Variants in VDR observed in about 807,000 individuals in gnomAD.
VDR encodes the protein vitamin D3 receptor.
Under a neutral mutation model 39.7 loss-of-function variants are expected in VDR, and 19 were observed. The observed-to-expected ratio is 0.48, with a 90% CI of 0.33 to 0.70. The LOEUF is 0.70. Ranked by LOEUF, VDR falls within the 30% of genes least tolerant of loss-of-function variation. VDR has a pLI of 0.02. For synonymous variants in VDR, 242 were observed against 215.8 expected, an observed-to-expected ratio of 1.12 and a Z score of -1.07; for missense variants, 442 against 570.5, an observed-to-expected ratio of 0.77 and a Z score of 2.29.
intron 1 of VDR, among the ~76,000 whole-genome samples, chr12:47,904,345 G>A (rs1946626468): frequency 6.6e-6 from 1 of 150,648 alleles, no homozygotes; most frequent in African/African-American, 2.4e-5. Context: ...ACTACTCCTT[G>A]AGCCCCTTCC....
chr12:47,886,163 A>C (rs1376968861), intron 1 of VDR, among the ~76,000 whole-genome samples: 1 of 152,244 alleles, frequency 6.6e-6, no homozygotes, highest in African/African-American at 2.4e-5. Context: ...TTCTTCCTAA[A>C]ATTGCCACAC....
chr12:47,860,212 C>T (rs924695106), intron 4 of VDR, among the ~76,000 whole-genome samples: 5 of 152,110 alleles, frequency 3.3e-5, no homozygotes, highest in African/African-American at 9.7e-5. Flanking sequence ...GTGATCTGCC[C>T]GCCTTGGCCT....
At chr12:47,877,924 G>A (rs1946041023) in intron 3 of VDR, among the ~76,000 whole-genome samples, 2 of 152,184 alleles carry the variant, frequency 1.3e-5, no homozygotes, top group Admixed American at 1.3e-4. Context: ...ATGAAACTCT[G>A]GGCCTGCTGA....
chr12:47,857,781 G>T lies in VDR; in HGVS notation c.278-93C>A. On this transcript the variant is annotated intron_variant, in intron 4 of 9. Coordinates refer to ENST00000549336, the MANE Select transcript of VDR (RefSeq NM_000376.3). ...TTGGGGGTAAAGGTCCAAGATAGGA[G>T]GGGCTTTAACACTCGGGGCTCCCTC... is the stretch of plus-strand genomic sequence containing the variant. 2.8e-6 allele frequency: 4 copies of T among 1,443,234 alleles called. No homozygotes were observed. The East Asian group carries it at 6.9e-5, about 25-fold the overall frequency. 89.4% of individuals were successfully genotyped at this position (1,443,234 alleles called of 1,614,324 possible).
At chr12:47,846,540 C>A in intron 8 of VDR, 89 bp from the exon 9 acceptor site, 1 of 1,562,408 alleles carries the variant, frequency 6.4e-7, no homozygotes, top group Non-Finnish European at 8.7e-7. Context: ...TCGCCCTTCT[C>A]TCCCTGTTGG....
At chr12:47,876,813 T>C (rs6580642) in intron 3 of VDR, among the ~76,000 whole-genome samples, 130,752 of 152,270 alleles carry the variant, frequency 0.86, 56,276 homozygotes, top group East Asian at 0.97. Flanking sequence ...GGGCAGCAAC[T>C]ACAGATGCAT....
intron 7 of VDR, among the ~76,000 whole-genome samples, chr12:47,847,842 A>G (rs10783217): frequency 0.62 from 94,817 of 152,206 alleles, 30,621 homozygotes; most frequent in African/African-American, 0.78. Context: ...TCCTGGGCTC[A>G]AGCAGTCCTC....
intron 1 of VDR, among the ~76,000 whole-genome samples, chr12:47,888,433 G>A (rs752982587): frequency 2.6e-5 from 4 of 152,208 alleles, no homozygotes; most frequent in Non-Finnish European, 5.9e-5. Context: ...GCAGGACTCA[G>A]AGTGGGGAGC....
intron 7 of VDR, 88 bp downstream of exon 7, chr12:47,855,539 AAAG>A: frequency 6.8e-7 from 1 of 1,471,258 alleles, no homozygotes; most frequent in Non-Finnish European, 9.3e-7. Flanking sequence ...AAAATAAAAA[AAAG>A]AAGTGGTGGA....
intron 1 of VDR, chr12:47,904,521 GA>G (rs1293001913): frequency 4.0e-5 from 53 of 1,324,924 alleles, no homozygotes; most frequent in African/African-American, 6.3e-5. Context: ...CATCACAGGT[GA>G]CCATACCTGG....
intron 9 of VDR, 74 bp downstream of exon 9, chr12:47,846,261 G>T: frequency 1.5e-6 from 2 of 1,343,128 alleles, no homozygotes; most frequent in Non-Finnish European, 2.1e-6. Context: ...TGCCCAGCTG[G>T]CCCTCAGCAG....
intron 7 of VDR, among the ~76,000 whole-genome samples, chr12:47,849,033 A>G (rs763118484): frequency 2.0e-5 from 3 of 152,196 alleles, no homozygotes; most frequent in Non-Finnish European, 2.9e-5. Flanking sequence ...TGAGTCAGGA[A>G]TGGGCTTGTC....
intron 4 of VDR, among the ~76,000 whole-genome samples, chr12:47,863,948 C>T (rs993086108): frequency 5.3e-5 from 8 of 152,172 alleles, no homozygotes; most frequent in Admixed American, 1.3e-4. Flanking sequence ...ATCCTCTGTC[C>T]CTGACACATC....
chr12:47,876,825 G>A (rs1217274609), intron 3 of VDR, among the ~76,000 whole-genome samples: 1 of 152,138 alleles, frequency 6.6e-6, no homozygotes, highest in Non-Finnish European at 1.5e-5. Context: ...CAGATGCATA[G>A]CAGTCAGAGC....
At chr12:47,878,838 CTG>C in intron 3 of VDR, 128 bp downstream of exon 3, 2 of 1,447,618 alleles carry the variant, frequency 1.4e-6, no homozygotes. Flanking sequence ...GCTCCTGTGG[CTG>C]TGAGCGCCGC....
At chr12:47,855,450 G>A (rs1945464623) in intron 7 of VDR, among the ~76,000 whole-genome samples, 180 bp downstream of exon 7, 1 of 152,140 alleles carries the variant, frequency 6.6e-6, no homozygotes, top group Non-Finnish European at 1.5e-5. Context: ...AACCTAGGAG[G>A]CGGAGGTTGC....
chr12:47,902,250 T>C (rs1258934386), intron 1 of VDR, among the ~76,000 whole-genome samples: 1 of 152,228 alleles, frequency 6.6e-6, no homozygotes, highest in Non-Finnish European at 1.5e-5. Context: ...GCACTCTTTC[T>C]AGCATATCTA....
intron 1 of VDR, among the ~76,000 whole-genome samples, chr12:47,903,018 A>G (rs1946596231): frequency 6.6e-6 from 1 of 152,264 alleles, no homozygotes; most frequent in Non-Finnish European, 1.5e-5. Context: ...CTGAGAAACC[A>G]TAAACACAAA....
Position 47,846,280 on chromosome 12 carries a change from C to A in VDR, c.1024+55G>T, listed in dbSNP as rs996122509. 16 of 1,532,180 alleles carry A rather than the reference C, an allele frequency of 1.0e-5. No homozygotes were observed. The African/African-American group carries it at 1.2e-4, about 12-fold the overall frequency. 94.9% of individuals were successfully genotyped at this position (1,532,180 alleles called of 1,614,324 possible). A position where few individuals can be genotyped will look rare whatever the true frequency, so the allele number is the denominator to read the frequency against. On this transcript the variant is annotated intron_variant, in intron 9 of 9. Coordinates refer to ENST00000549336, the MANE Select transcript of VDR (RefSeq NM_000376.3). The stretch of plus-strand genomic sequence containing the variant: ...CAGCTGGCCCTCAGCAGGTCTTTGT[C>A]CTTCATACTCCCCGCTCCCCAGGTC...
Sources: gnomAD v4.1 joint callset for allele counts (sites outside exome capture counted in the v4.1 genomes callset) on GRCh38, gnomAD v4.1.1 for gene constraint, MANE v1.5 for transcripts, NCBI Gene and HGNC (gene_info 2026-07-23, HGNC 2026-07-21) for gene names.